PGAM1: variants seen among roughly 807,000 people sequenced by gnomAD.
PGAM1 encodes BPG-dependent PGAM 1.
PGAM1 carries 21 observed loss-of-function variants against 23.5 expected under a neutral mutation model. The observed-to-expected ratio is 0.89, with a 90% CI of 0.63 to 1.29. The LOEUF is 1.29. PGAM1 is among the 50% of genes most tolerant of loss of function. The probability of loss-of-function intolerance (pLI) is 0.00; values close to 1 mark genes in which losing one functional copy is unlikely to be tolerated. For synonymous variants in PGAM1, 109 were observed against 128.6 expected (o/e 0.85, Z 1.03); for missense variants, 232 against 336.3 (o/e 0.69, Z 2.42).
At chr10:97,432,228 TA>T in intron 3 of PGAM1, 126 bp from the exon 4 acceptor site, 1 of 1,300,842 alleles carries the variant, frequency 7.7e-7, no homozygotes, top group Non-Finnish European at 1.1e-6. Flanking sequence ...AGAACTACTA[TA>T]AAGATCAGAA....
At position 97,426,206 on chromosome 10, in the gene PGAM1, A is replaced by G; in HGVS notation, c.-102A>G. 2 of 1,553,296 alleles carry G rather than the reference A, an allele frequency of 1.3e-6. No homozygotes were observed. Among genetic ancestry groups the G allele is most frequent in the East Asian group, 2.3e-5 (1 of 44,096 alleles). On this transcript the variant is annotated 5_prime_UTR_variant, in exon 1 of 4. Transcript: ENST00000334828. ...AGATTTGGGCGAGAACTTGCGCGGGAGCCGGACTGAGCGGTGCGAGCGCGC... is the reference window on the plus strand; with the variant it reads ...AGATTTGGGCGAGAACTTGCGCGGGGGCCGGACTGAGCGGTGCGAGCGCGC...
intron 1 of PGAM1, 146 bp downstream of exon 1, chr10:97,426,592 G>T: frequency 9.0e-7 from 1 of 1,109,820 alleles, no homozygotes; most frequent in Non-Finnish European, 1.2e-6. Context: ...GAAGATGAGT[G>T]CAGAGGGTAG....
At chr10:97,430,787 CA>C in intron 2 of PGAM1, 134 bp downstream of exon 2, 8 of 1,470,714 alleles carry the variant, frequency 5.4e-6, no homozygotes, top group Non-Finnish European at 5.6e-6. Context: ...GAATGACCTT[CA>C]CTTACTAGAA....
rs1845406216 is a variant in PGAM1 at position 97,426,228 on chromosome 10, G to C, written c.-80G>C. 4 of 1,599,882 alleles carry C rather than the reference G, an allele frequency of 2.5e-6. No homozygotes were observed. The highest frequency in any genetic ancestry group is 3.4e-6 in the Non-Finnish European group (4 of 1,171,688). ...GGGAGCCGGACTGAGCGGTGCGAGC[G>C]CGCAGGCGCGGCCGACGGGGCGGGC... On this transcript the variant is annotated 5_prime_UTR_variant, in exon 1 of 4. Coordinates refer to ENST00000334828, the MANE Select transcript of PGAM1 (RefSeq NM_002629.4).
At chr10:97,428,385 A>G (rs1240952028) in intron 1 of PGAM1, among the ~76,000 whole-genome samples, 7 of 152,300 alleles carry the variant, frequency 4.6e-5, no homozygotes, top group Middle Eastern at 3.4e-3. Flanking sequence ...CCTTACTGCT[A>G]AGAGAGGGAT....
intron 1 of PGAM1, among the ~76,000 whole-genome samples, chr10:97,429,123 C>T (rs1279295719): frequency 5.5e-4 from 58 of 104,992 alleles, no homozygotes; most frequent in African/African-American, 2.1e-3. Context: ...TTTTTGCGTG[C>T]GACAGAGTCT....
Position 97,430,527 on chromosome 10 carries a change from C to A in PGAM1, c.288C>A (p.Thr96=), listed in dbSNP as rs375741073. 7 of 1,600,734 alleles carry A rather than the reference C, an allele frequency of 4.4e-6. No individual in the cohort carries two copies. In the Admixed American group the frequency reaches 1.2e-4, roughly 27 times the overall value. ...RLNERHYGGL[T]GLNKAETAAK... Reference sequence around the variant, plus strand: ...ATGAGCGGCACTATGGGGGTCTAACCGGTCTCAATAAAGCAGAAACTGCTG... The same window carrying A: ...ATGAGCGGCACTATGGGGGTCTAACAGGTCTCAATAAAGCAGAAACTGCTG... The change falls in exon 2 of 4, where the codon ACC becomes ACA. Residue 96 remains threonine, a synonymous_variant. Coordinates refer to ENST00000334828, the MANE Select transcript of PGAM1 (RefSeq NM_002629.4).
At chr10:97,426,712 T>C (rs946621261) in intron 1 of PGAM1, among the ~76,000 whole-genome samples, 2 of 152,254 alleles carry the variant, frequency 1.3e-5, no homozygotes, top group African/African-American at 2.4e-5. Context: ...CACTTCGCAG[T>C]TTTCCCTTTC....
chr10:97,430,633 T>A lies in PGAM1; in HGVS notation c.394T>A (p.Phe132Ile). Residue 132 changes from phenylalanine to isoleucine, a missense_variant, in exon 2 of 4, where the codon TTC (phenylalanine) becomes ATC (isoleucine). By Grantham distance (21) the Phe-to-Ile change is conservative. Transcript: ENST00000334828. ...ACCTCCGATGGAGCCCGACCATCCT[T>A]TCTACAGCAACATCAGTAAGGTATG... ...PPPPMEPDHP[F>I]YSNISKDRRY... is the part of the protein sequence containing the mutation. The A allele has an allele frequency of 6.2e-7, 1 of 1,603,000 alleles. No homozygotes were observed. Among genetic ancestry groups the A allele is most frequent in the Non-Finnish European group, 8.5e-7 (1 of 1,179,968 alleles).
intron 3 of PGAM1, among the ~76,000 whole-genome samples, chr10:97,431,859 G>T (rs1309209868): frequency 6.6e-6 from 1 of 150,956 alleles, no homozygotes; most frequent in Non-Finnish European, 1.5e-5. Context: ...CTACATTCTA[G>T]CCTGGGTGAG....
Position 97,432,178 on chromosome 10 carries a change from G to A in PGAM1, c.596-177G>A, listed in dbSNP as rs764223. Among the ~76,000 whole-genome samples the A allele has an allele frequency of 0.25, 37,543 of 152,170 alleles. 5,512 individuals are homozygous for A. The highest frequency in any genetic ancestry group is 0.35 in the East Asian group (1,789 of 5,176). On this transcript the variant is annotated intron_variant, in intron 3 of 3. Transcript: ENST00000334828. ...ACCTTTTCTTGCTTTTCAGTTTAATGGCTGAGAAATAAGTATGGTGGGGGC... is the reference window on the plus strand; with the variant it reads ...ACCTTTTCTTGCTTTTCAGTTTAATAGCTGAGAAATAAGTATGGTGGGGGC...
In PGAM1 at chr10:97,431,902, AAG is replaced by A. The variant is rs1491165674; in HGVS notation, c.596-452_596-451del. Among the ~76,000 whole-genome samples the A allele has an allele frequency of 1.1e-3, 163 of 151,866 alleles. 1 individual carries two copies. Among genetic ancestry groups the A allele is most frequent in the African/African-American group, 3.3e-3 (136 of 41,478 alleles). ...GACCTTGTCTCTTAAAAAAAAAAAA[AAG>A]GAAAACAAATATATATAAAAGAAAA... is the stretch of plus-strand genomic sequence containing the variant. On this transcript the variant is annotated intron_variant, in intron 3 of 3. Coordinates refer to ENST00000334828, the MANE Select transcript of PGAM1 (RefSeq NM_002629.4).
At chr10:97,429,339 T>C (rs986540667) in intron 1 of PGAM1, among the ~76,000 whole-genome samples, 3 of 152,034 alleles carry the variant, frequency 2.0e-5, no homozygotes, top group East Asian at 1.9e-4. Flanking sequence ...CTCCTGACCT[T>C]GTGATCTGCC....
At position 97,426,360 on chromosome 10, in the gene PGAM1, T is replaced by G; in HGVS notation, c.53T>G (p.Leu18Arg). The G allele has an allele frequency of 6.2e-7, 1 of 1,609,826 alleles. No individual in the cohort carries two copies. Among genetic ancestry groups the G allele is most frequent in the Non-Finnish European group, 8.5e-7 (1 of 1,178,758 alleles). Residue 18 changes from leucine (L) to arginine (R), a missense_variant, in exon 1 of 4, where the codon CTG (leucine) becomes CGG (arginine). Around this residue, in one of 3 missense-constraint regions of PGAM1, gnomAD observed 38 missense variants for 77.1 expected, o/e 0.49. Transcript: ENST00000334828. ...LIRHGESAWNLENRFSGWYDA... is the reference protein window; with the variant it reads ...LIRHGESAWNRENRFSGWYDA... Reference sequence around the variant, plus strand: ...CGGCACGGCGAGAGCGCATGGAACCTGGAGAACCGCTTCAGCGGCTGGTAC... The same window carrying G: ...CGGCACGGCGAGAGCGCATGGAACCGGGAGAACCGCTTCAGCGGCTGGTAC...
At chr10:97,430,760 ATCCT>A (rs1845461721) in intron 2 of PGAM1, 107 bp downstream of exon 2, 10 of 1,544,296 alleles carry the variant, frequency 6.5e-6, no homozygotes, top group Non-Finnish European at 7.1e-6. Context: ...GTTAATTGTA[ATCCT>A]TCCTTCTCCA....
intron 1 of PGAM1, among the ~76,000 whole-genome samples, chr10:97,426,732 C>T (rs1233595805): frequency 6.6e-6 from 1 of 152,234 alleles, no homozygotes; most frequent in Non-Finnish European, 1.5e-5. Flanking sequence ...CTAGTCTGAA[C>T]ATTTAATATG....
chr10:97,427,697 A>G (rs1845425164), intron 1 of PGAM1: 2 of 1,231,906 alleles, frequency 1.6e-6, no homozygotes, highest in South Asian at 1.4e-5. Flanking sequence ...TGGAATGCTA[A>G]TAAGGAAGCA....
At chr10:97,428,356 A>T (rs895904277) in intron 1 of PGAM1, among the ~76,000 whole-genome samples, 6 of 152,172 alleles carry the variant, frequency 3.9e-5, no homozygotes, top group African/African-American at 1.4e-4. Flanking sequence ...GCTAGTGAGA[A>T]CTGAGTTTCC....
rs1845492949 is a variant in PGAM1 at position 97,433,367 on chromosome 10, G to A, written c.*843G>A. 6.6e-6 allele frequency: 1 copy of A among 152,316 alleles called. No homozygotes were observed. Among genetic ancestry groups the A allele is most frequent in the South Asian group, 2.1e-4 (1 of 4,818 alleles). The allele number at this position is 152,316 out of a possible 1,614,324, so 9.4% of individuals were successfully genotyped here. ...CTAGTTGCTTGACCCTGCCACATGGGTCCAGTGTTCATCTGAGCATAACTG... is the reference window on the plus strand; with the variant it reads ...CTAGTTGCTTGACCCTGCCACATGGATCCAGTGTTCATCTGAGCATAACTG... On this transcript the variant is annotated 3_prime_UTR_variant, in exon 4 of 4. Coordinates refer to ENST00000334828, the MANE Select transcript of PGAM1 (RefSeq NM_002629.4).
Sources: gnomAD v4.1 joint callset for allele counts (sites outside exome capture counted in the v4.1 genomes callset) on GRCh38, gnomAD v4.1.1 for gene constraint, gnomAD v4.1.1 regional missense constraint, MANE v1.5 for transcripts, NCBI Gene and HGNC (gene_info 2026-07-23, HGNC 2026-07-21) for gene names.